Variants in MMP27 observed in about 807,000 individuals in gnomAD.
MMP27 encodes matrix metalloproteinase-27.
A neutral mutation model predicts 48.1 loss-of-function variants in MMP27; 51 were observed. That is an observed-to-expected ratio of 1.06 (90% CI 0.85 to 1.34). MMP27 has a LOEUF of 1.34. Among genes scored for constraint, MMP27 ranks in the 40% most tolerant of loss-of-function variants. The pLI is 0.00. For synonymous variants in MMP27, 229 were observed against 208.9 expected, an observed-to-expected ratio of 1.10 and a Z score of -0.83; for missense variants, 698 against 619.3, an observed-to-expected ratio of 1.13 and a Z score of -1.35.
Position 102,705,694 on chromosome 11 carries a change from C to G in MMP27, c.21G>C (p.Leu7=). ...AAGAAAATGTTATAAAGAACAAAAA[C>G]AGAAGCAGAAGGCGCTTCATTCCTC... is the stretch of plus-strand genomic sequence containing the variant. The part of the protein sequence containing the change: MKRLLL[L]FLFFITFSSA... Residue 7 remains leucine, a synonymous_variant, in exon 1 of 10, where the codon CTG becomes CTC. Transcript: ENST00000260229. 6.2e-7 allele frequency: 1 copy of G among 1,606,456 alleles called. No individual in the cohort carries two copies. Among genetic ancestry groups the G allele is most frequent in the Non-Finnish European group, 8.5e-7 (1 of 1,177,652 alleles).
At chr11:102,698,390 T>C (rs1327822973) in intron 4 of MMP27, among the ~76,000 whole-genome samples, 1 of 152,100 alleles carries the variant, frequency 6.6e-6, no homozygotes, top group Admixed American at 6.5e-5. Context: ...CACATAACTT[T>C]AATTGGTACT....
At chr11:102,702,486 A>G (rs1057413817) in intron 4 of MMP27, among the ~76,000 whole-genome samples, 1 of 152,242 alleles carries the variant, frequency 6.6e-6, no homozygotes, top group Admixed American at 6.5e-5. Context: ...TCCATAGGAC[A>G]CCTTGTATAG....
intron 4 of MMP27, among the ~76,000 whole-genome samples, chr11:102,697,961 G>C (rs1452171724): frequency 2.0e-5 from 3 of 152,016 alleles, no homozygotes; most frequent in Non-Finnish European, 4.4e-5. Context: ...AAGTCTTCAG[G>C]GGCAATAACA....
intron 7 of MMP27, among the ~76,000 whole-genome samples, chr11:102,694,604 C>G (rs574319187): frequency 6.6e-6 from 1 of 151,604 alleles, no homozygotes; most frequent in African/African-American, 2.4e-5. Flanking sequence ...ATATATATAC[C>G]AAAAAATTAT....
chr11:102,701,322 CAT>C (rs1860936458), intron 4 of MMP27, among the ~76,000 whole-genome samples: 2 of 152,058 alleles, frequency 1.3e-5, no homozygotes, highest in Non-Finnish European at 2.9e-5. Flanking sequence ...ACTTACCCCA[CAT>C]GTCCCCCTTG....
chr11:102,694,882 G>A, intron 7 of MMP27, 85 bp downstream of exon 7: 2 of 1,525,676 alleles, frequency 1.3e-6, no homozygotes, highest in African/African-American at 1.4e-5. Flanking sequence ...GCTCATGCAT[G>A]AAGATTTTAT....
chr11:102,692,323 G>C (rs149172492), intron 9 of MMP27, among the ~76,000 whole-genome samples: 12 of 152,336 alleles, frequency 7.9e-5, no homozygotes, highest in Admixed American at 7.8e-4. Context: ...AAAGGCCCCT[G>C]TGGATATGGC....
intron 4 of MMP27, among the ~76,000 whole-genome samples, chr11:102,702,470 T>C (rs866935795): frequency 2.0e-5 from 3 of 152,356 alleles, no homozygotes; most frequent in Middle Eastern, 3.4e-3. Context: ...TAGTACAACT[T>C]TGGGGTCCAT....
chr11:102,700,187 T>A (rs1940478), intron 4 of MMP27, among the ~76,000 whole-genome samples: 2 of 152,060 alleles, frequency 1.3e-5, no homozygotes, highest in Non-Finnish European at 2.9e-5. Context: ...CAATAAATGA[T>A]CATTGAGTGA....
Position 102,703,006 on chromosome 11 carries a change from C to T in MMP27, c.454G>A (p.Gly152Arg). ...TPLKFTKISK[G>R]IADIMIAFRT... ...AAGGCAATCATGATGTCTGCAATCCCCTTTGAAATCTTGGTGAATTTTAGT... is the reference window on the plus strand; with the variant it reads ...AAGGCAATCATGATGTCTGCAATCCTCTTTGAAATCTTGGTGAATTTTAGT... The change falls in exon 3 of 10, where the codon GGG (glycine) becomes AGG (arginine). Residue 152 changes from glycine (G) to arginine (R), a missense_variant. Transcript: ENST00000260229. 6.2e-7 allele frequency: 1 copy of T among 1,614,144 alleles called. No individual in the cohort carries two copies. Among genetic ancestry groups the T allele is most frequent in the South Asian group, 1.1e-5 (1 of 91,082 alleles).
At chr11:102,694,869 T>C in intron 7 of MMP27, 98 bp downstream of exon 7, 1 of 1,403,346 alleles carries the variant, frequency 7.1e-7, no homozygotes, top group Non-Finnish European at 9.8e-7. Flanking sequence ...GCCCTGCGCC[T>C]TGGCTCATGC....
Position 102,704,549 on chromosome 11 carries a change from T to C in MMP27, c.329A>G (p.Asn110Ser). The stretch of plus-strand genomic sequence containing the variant: ...GCAGAAGCATTACCTGTAGGTGAGG[T>C]TGTATTTTCTCCACCCAGGGAGGGT... ...GYTLPGWRKY[N>S]LTYRIINYTP... The change falls in exon 2 of 10, where the codon AAC (asparagine) becomes AGC (serine). Residue 110 changes from asparagine (N) to serine (S), a missense_variant. Coordinates refer to ENST00000260229, the MANE Select transcript of MMP27 (RefSeq NM_022122.3). 1.2e-6 allele frequency: 2 copies of C among 1,612,052 alleles called. No individual in the cohort carries two copies. Among genetic ancestry groups the C allele is most frequent in the South Asian group, 1.1e-5 (1 of 90,912 alleles).
At chr11:102,698,028 A>G (rs1224325616) in intron 4 of MMP27, among the ~76,000 whole-genome samples, 2 of 152,132 alleles carry the variant, frequency 1.3e-5, no homozygotes, top group African/African-American at 4.8e-5. Context: ...TCCCTCCTGA[A>G]GGGCCTGCCT....
At chr11:102,699,137 C>G (rs1860889204) in intron 4 of MMP27, among the ~76,000 whole-genome samples, 2 of 152,122 alleles carry the variant, frequency 1.3e-5, no homozygotes, top group South Asian at 2.1e-4. Context: ...CTTTGTCTGC[C>G]TCTCCCACTA....
At chr11:102,698,718 C>T (rs1218143524) in intron 4 of MMP27, among the ~76,000 whole-genome samples, 2 of 152,170 alleles carry the variant, frequency 1.3e-5, no homozygotes, top group Non-Finnish European at 2.9e-5. Flanking sequence ...TTTCTAATCT[C>T]TATGTCTTCA....
intron 4 of MMP27, among the ~76,000 whole-genome samples, chr11:102,699,954 T>C (rs1860907761): frequency 6.6e-6 from 1 of 152,228 alleles, no homozygotes; most frequent in Non-Finnish European, 1.5e-5. Context: ...AGGCTTGACA[T>C]AGCTTCCTCT....
chr11:102,705,086 T>C (rs1222896791), intron 1 of MMP27, among the ~76,000 whole-genome samples: 1 of 152,232 alleles, frequency 6.6e-6, no homozygotes, highest in Non-Finnish European at 1.5e-5. Context: ...TGTTGAATGA[T>C]GACCTATCTT....
chr11:102,704,158 G>A (rs570837678), intron 2 of MMP27, among the ~76,000 whole-genome samples: 1 of 152,318 alleles, frequency 6.6e-6, no homozygotes, highest in East Asian at 1.9e-4. Context: ...TAAACTGGTT[G>A]TGTTCCAGGG....
chr11:102,693,169 G>C, intron 8 of MMP27, 128 bp from the exon 9 acceptor site: 1 of 601,594 alleles, frequency 1.7e-6, no homozygotes, highest in Non-Finnish European at 3.0e-6. Context: ...AAACTAATTG[G>C]ATCAATAATA....
Sources: gnomAD v4.1 joint callset for allele counts (sites outside exome capture counted in the v4.1 genomes callset) on GRCh38, gnomAD v4.1.1 for gene constraint, MANE v1.5 for transcripts, NCBI Gene and HGNC (gene_info 2026-07-23, HGNC 2026-07-21) for gene names.